Variants in SCIMP observed in about 807,000 individuals in gnomAD.
The protein encoded by SCIMP is SLP adapter and CSK-interacting membrane protein.
Under a neutral mutation model 22.0 loss-of-function variants are expected in SCIMP, and 18 were observed. The ratio of observed to expected loss-of-function variants is 0.82; its 90% CI spans 0.56 to 1.21. The LOEUF (loss-of-function observed/expected upper bound fraction) is 1.21. SCIMP is among the 50% of genes most tolerant of loss of function. The probability of loss-of-function intolerance (pLI) is 0.00; values close to 1 mark genes in which losing one functional copy is unlikely to be tolerated. For missense variants in SCIMP, 155 were observed against 171.2 expected, an observed-to-expected ratio of 0.91 and a Z score of 0.53; for synonymous variants, 53 against 62.2, an observed-to-expected ratio of 0.85 and a Z score of 0.70.
At position 5,214,952 on chromosome 17, in the gene SCIMP, T is replaced by C; in HGVS notation, c.256A>G (p.Arg86Gly). 1 of 1,603,944 alleles carries C rather than the reference T, an allele frequency of 6.2e-7. No individual in the cohort carries two copies. Among genetic ancestry groups the C allele is most frequent in the Admixed American group, 1.7e-5 (1 of 59,714 alleles). ...SPVQLPPLPPRNWPSLEDSSP... is the reference protein window; with the variant it reads ...SPVQLPPLPPGNWPSLEDSSP... The stretch of plus-strand genomic sequence containing the variant: ...GAGTCTTCTAGAGAAGGCCAATTCC[T>C]CGGTGGCAGAGGCGGTAATTGAACT... The change falls in exon 4 of 5, where the codon AGG (arginine) becomes GGG (glycine). Residue 86 changes from arginine (R) to glycine (G), a missense_variant. Coordinates refer to ENST00000574081, the MANE Select transcript of SCIMP (RefSeq NM_207103.3).
intron 1 of SCIMP, among the ~76,000 whole-genome samples, chr17:5,232,418 T>TGCAGTGTAAACAGC (rs1435961615): frequency 1.4e-4 from 21 of 145,010 alleles, no homozygotes; most frequent in African/African-American, 5.3e-4. Context: ...GTGCAAACAG[T>TGCAGTGTAAACAGC]GCAGTGTAAA....
chr17:5,226,298 CA>C (rs745843765), intron 1 of SCIMP, among the ~76,000 whole-genome samples: 31 of 151,336 alleles, frequency 2.0e-4, no homozygotes, highest in Non-Finnish European at 4.3e-4. Flanking sequence ...GTGTAGCTTC[CA>C]AAAAAAACTA....
In SCIMP at chr17:5,210,652, T is replaced by G; in HGVS notation, c.*149A>C. On this transcript the variant is annotated 3_prime_UTR_variant, in exon 5 of 5. Transcript: ENST00000574081. ...ATCGCAGGGGTGTCTTCATCTAAGG[T>G]TTGGGAAGTGCTTTATCTTATAGAG... The G allele has an allele frequency of 9.6e-7, 1 of 1,039,516 alleles. No individual in the cohort carries two copies. Among genetic ancestry groups the G allele is most frequent in the Non-Finnish European group, 1.4e-6 (1 of 736,598 alleles). The allele number at this position is 1,039,516 out of a possible 1,614,324, so 64.4% of individuals were successfully genotyped here.
chr17:5,213,258 C>CTTT, intron 4 of SCIMP: 1 of 911,824 alleles, frequency 1.1e-6, no homozygotes, highest in Non-Finnish European at 1.3e-6. Context: ...CTTTTCCATC[C>CTTT]CTTTTTTTTT....
intron 2 of SCIMP, among the ~76,000 whole-genome samples, chr17:5,222,980 A>G (rs151065394): frequency 5.3e-4 from 81 of 152,216 alleles, no homozygotes; most frequent in African/African-American, 1.9e-3. Context: ...AGTTCTTAAT[A>G]TTCCATATAC....
At chr17:5,211,361 G>C (rs2074524647) in intron 4 of SCIMP, among the ~76,000 whole-genome samples, 1 of 151,962 alleles carries the variant, frequency 6.6e-6, no homozygotes, top group East Asian at 1.9e-4. Flanking sequence ...CGTCCCTACA[G>C]AAAAATTTAA....
At position 5,213,203 on chromosome 17, in the gene SCIMP, T is replaced by C. The variant is rs577614165; in HGVS notation, c.283+1722A>G. ...ATTTGAACATGAATTTACACCCTTA[T>C]ATCAGGCTATTGGGTGCGTCGGTAC... On this transcript the variant is annotated intron_variant, in intron 4 of 4. Transcript: ENST00000574081. 37 of 985,164 alleles carry C rather than the reference T, an allele frequency of 3.8e-5. No individual in the cohort carries two copies. The African/African-American group carries it at 5.9e-4, about 16-fold the overall frequency. 61.0% of individuals were successfully genotyped at this position (985,164 alleles called of 1,614,324 possible).
chr17:5,216,441 G>A (rs1282474455), intron 3 of SCIMP, among the ~76,000 whole-genome samples: 7 of 152,174 alleles, frequency 4.6e-5, no homozygotes, highest in Non-Finnish European at 7.3e-5. Flanking sequence ...GCCAAGGCAG[G>A]CAGATCATGA....
intron 2 of SCIMP, among the ~76,000 whole-genome samples, 179 bp from the exon 3 acceptor site, chr17:5,221,529 G>T (rs1188504656): frequency 1.3e-5 from 2 of 152,152 alleles, no homozygotes; most frequent in African/African-American, 4.8e-5. Context: ...CACAGCATGG[G>T]TGGTGTTTAT....
At chr17:5,211,761 ACAGG>A (rs931582570) in intron 4 of SCIMP, among the ~76,000 whole-genome samples, 52 of 152,318 alleles carry the variant, frequency 3.4e-4, no homozygotes, top group African/African-American at 1.2e-3. Flanking sequence ...TTAGTACAGA[ACAGG>A]TTCATAGGAG....
intron 1 of SCIMP, among the ~76,000 whole-genome samples, chr17:5,227,709 C>G (rs533787534): frequency 6.6e-6 from 1 of 152,312 alleles, no homozygotes; most frequent in Non-Finnish European, 1.5e-5. Context: ...TGCAATAGCA[C>G]GCACCAACTC....
intron 1 of SCIMP, among the ~76,000 whole-genome samples, chr17:5,234,433 C>T (rs930722114): frequency 6.6e-6 from 1 of 151,934 alleles, no homozygotes; most frequent in African/African-American, 2.4e-5. Flanking sequence ...CTCTCACTCC[C>T]GGTCATTATC....
intron 3 of SCIMP, 58 bp downstream of exon 3, chr17:5,221,229 G>T (rs774254532): frequency 1.6e-6 from 2 of 1,266,720 alleles, no homozygotes; most frequent in Non-Finnish European, 2.3e-6. Flanking sequence ...AGGGGCAAGG[G>T]TGGAAGGGAA....
At chr17:5,223,915 C>T (rs2074627583) in intron 1 of SCIMP, among the ~76,000 whole-genome samples, 1 of 152,186 alleles carries the variant, frequency 6.6e-6, no homozygotes, top group Admixed American at 6.6e-5. Context: ...CACAGCCATA[C>T]CCTACTCATT....
intron 3 of SCIMP, among the ~76,000 whole-genome samples, chr17:5,219,033 T>C (rs1244303395): frequency 6.6e-6 from 1 of 151,964 alleles, no homozygotes; most frequent in African/African-American, 2.4e-5. Context: ...AATAAGAGTG[T>C]CTCCGGCCGG....
chr17:5,233,626 C>T (rs956992437), intron 1 of SCIMP, among the ~76,000 whole-genome samples: 23 of 152,126 alleles, frequency 1.5e-4, no homozygotes, highest in East Asian at 1.9e-4. Flanking sequence ...CCACCTTGGC[C>T]TCCCAAAGTG....
At chr17:5,217,385 T>TGC (rs1491011092) in intron 3 of SCIMP, among the ~76,000 whole-genome samples, 1 of 115,416 alleles carries the variant, frequency 8.7e-6, no homozygotes, top group African/African-American at 3.1e-5. Flanking sequence ...TTTGCTTGTG[T>TGC]GTGTGTGTGT....
chr17:5,220,392 G>A (rs2074597010), intron 3 of SCIMP, among the ~76,000 whole-genome samples: 1 of 131,662 alleles, frequency 7.6e-6, no homozygotes, highest in South Asian at 2.7e-4. Context: ...ACCCACAGGA[G>A]TTTTAGAGCT....
chr17:5,215,061 T>G (rs1477464125), intron 3 of SCIMP, 63 bp from the exon 4 acceptor site: 1 of 1,020,632 alleles, frequency 9.8e-7, no homozygotes, highest in Non-Finnish European at 1.6e-6. Flanking sequence ...CCCAGCCGAT[T>G]TAAGAGAAAA....
Sources: allele counts gnomAD v4.1 joint callset (sites outside exome capture counted in the v4.1 genomes callset), GRCh38; gene constraint gnomAD v4.1.1; transcripts MANE v1.5; gene names NCBI Gene and HGNC (gene_info 2026-07-23, HGNC 2026-07-21).